The following TEAD1 variants were observed in gnomAD, a reference collection of about 807,000 sequenced individuals.
The protein encoded by TEAD1 is transcriptional enhancer factor TEF-1.
A neutral mutation model predicts 54.9 loss-of-function variants in TEAD1; 9 were observed. The ratio of observed to expected loss-of-function variants is 0.16; its 90% confidence interval spans 0.10 to 0.29. The LOEUF (loss-of-function observed/expected upper bound fraction) is 0.29, where lower values mean the gene tolerates loss of function less well. Among genes scored for constraint, TEAD1 ranks in the 10% least tolerant of loss-of-function variants. TEAD1 has a pLI of 1.00. For missense variants in TEAD1, 387 were observed against 535.9 expected (o/e 0.72, Z 2.74); for synonymous variants, 200 against 187.8 (o/e 1.07, Z -0.53).
intron 2 of TEAD1, among the ~76,000 whole-genome samples, chr11:12,679,745 G>T (rs1338579777): frequency 6.6e-6 from 1 of 152,018 alleles, no homozygotes; most frequent in Non-Finnish European, 1.5e-5. Flanking sequence ...AACTTGAAAG[G>T]GGATTTTTTT....
At chr11:12,864,549 CA>C (rs1228881566) in intron 4 of TEAD1, 1 of 581,532 alleles carries the variant, frequency 1.7e-6, no homozygotes, top group Non-Finnish European at 2.7e-6. Flanking sequence ...TGTTGAGATG[CA>C]AATAACCACC....
chr11:12,873,494 T>C (rs1022557831), intron 5 of TEAD1, among the ~76,000 whole-genome samples: 2 of 152,204 alleles, frequency 1.3e-5, no homozygotes, highest in Non-Finnish European at 2.9e-5. Context: ...AAATGAACAA[T>C]GGTAAAAGCC....
At chr11:12,934,143 T>TC (rs1162141506) in intron 12 of TEAD1, among the ~76,000 whole-genome samples, 1 of 152,184 alleles carries the variant, frequency 6.6e-6, no homozygotes, top group Non-Finnish European at 1.5e-5. Flanking sequence ...AACCCAAATG[T>TC]CCAACAGTGA....
rs1230401452 is a variant in TEAD1, at chr11:12,859,493, G to T, written c.203-2757G>T. ...TTTAGCTCTGGCTTCTCGTAATTAG[G>T]TACTCCTAGCTGGGCTCTGTTGTCA... On this transcript the variant is annotated intron_variant, in intron 3 of 12. Coordinates refer to ENST00000527636, the MANE Select transcript of TEAD1 (RefSeq NM_021961.6). Among the ~76,000 whole-genome samples the T allele has an allele frequency of 3.3e-5, 5 of 152,134 alleles. No individual in the cohort carries two copies. In the East Asian group the frequency reaches 9.6e-4, roughly 29 times the overall value.
At chr11:12,854,622 C>T (rs1370656126) in intron 3 of TEAD1, among the ~76,000 whole-genome samples, 6 of 152,046 alleles carry the variant, frequency 3.9e-5, no homozygotes, top group African/African-American at 1.4e-4. Context: ...GACAGGGTCT[C>T]ACTCTGTTGT....
intron 3 of TEAD1, among the ~76,000 whole-genome samples, chr11:12,861,987 T>C (rs1234990145): frequency 1.4e-5 from 1 of 70,352 alleles, no homozygotes; most frequent in African/African-American, 8.7e-5. Context: ...ACTCTGTCTT[T>C]TTTTTTTTTT....
chr11:12,681,227 T>C (rs1000192356), intron 2 of TEAD1, among the ~76,000 whole-genome samples: 8 of 152,210 alleles, frequency 5.3e-5, no homozygotes, highest in Non-Finnish European at 8.8e-5. Context: ...GCATTTCATA[T>C]TGTCTGAGCC....
In TEAD1 at chr11:12,752,300, A is replaced by G. The variant is rs536757293; in HGVS notation, c.-54-11879A>G. Among the ~76,000 whole-genome samples, 14 of 149,540 alleles carry G rather than the reference A, an allele frequency of 9.4e-5. No individual in the cohort carries two copies. The South Asian group carries it at 3.0e-3, about 32-fold the overall frequency. On this transcript the variant is annotated intron_variant, in intron 2 of 12. Coordinates refer to ENST00000527636, the MANE Select transcript of TEAD1 (RefSeq NM_021961.6). ...AACTTACATACAGAAAAGGGCACAC[A>G]CATCATCAATATTGAGTCCCTTGTG... is the stretch of plus-strand genomic sequence containing the variant.
intron 3 of TEAD1, among the ~76,000 whole-genome samples, chr11:12,813,791 C>T (rs984541402): frequency 2.0e-5 from 3 of 152,132 alleles, no homozygotes; most frequent in Admixed American, 2.0e-4. Flanking sequence ...CAGGGGGTGG[C>T]GTGCTGAACT....
intron 3 of TEAD1, among the ~76,000 whole-genome samples, chr11:12,799,865 G>C (rs1946013650): frequency 6.6e-6 from 1 of 152,074 alleles, no homozygotes; most frequent in African/African-American, 2.4e-5. Flanking sequence ...TATATCCCAA[G>C]CCTGTATGGT....
intron 8 of TEAD1, among the ~76,000 whole-genome samples, chr11:12,882,695 C>A (rs1564975799): frequency 1.3e-5 from 2 of 152,226 alleles, no homozygotes; most frequent in Admixed American, 6.5e-5. Context: ...TTCTCACTGT[C>A]CTGTCATTCT....
At chr11:12,734,413 TG>T (rs1486932987) in intron 2 of TEAD1, among the ~76,000 whole-genome samples, 1 of 152,144 alleles carries the variant, frequency 6.6e-6, no homozygotes, top group Non-Finnish European at 1.5e-5. Flanking sequence ...ATTTTATAAT[TG>T]AAAAAAAATT....
chr11:12,902,263 C>T, intron 10 of TEAD1, 150 bp downstream of exon 10: 2 of 1,091,578 alleles, frequency 1.8e-6, no homozygotes, highest in South Asian at 2.5e-5. Flanking sequence ...CGGACTCACA[C>T]CTGTGAACTG....
chr11:12,923,418 C>T (rs545494380), intron 10 of TEAD1, among the ~76,000 whole-genome samples: 2 of 152,268 alleles, frequency 1.3e-5, no homozygotes, highest in South Asian at 2.1e-4. Flanking sequence ...TCGTGTCCCC[C>T]CGTACCTCTC....
chr11:12,862,323 A>C lies in TEAD1; in HGVS notation c.267+9A>C. ...CGAGGACCAGAAAACAGGTAAAATA[A>C]CCCACCTGGAAATTGTGCATGTCAG... On this transcript the variant is annotated intron_variant, in intron 4 of 12. Transcript: ENST00000527636. 6.2e-7 allele frequency: 1 copy of C among 1,613,528 alleles called. No individual in the cohort carries two copies. The highest frequency in any genetic ancestry group is 8.5e-7 in the Non-Finnish European group (1 of 1,179,528).
chr11:12,929,827 A>G (rs563865750), intron 11 of TEAD1, among the ~76,000 whole-genome samples: 3 of 152,310 alleles, frequency 2.0e-5, no homozygotes, highest in Admixed American at 6.5e-5. Flanking sequence ...TTCTTTGAAG[A>G]ACTGTAGCTA....
At chr11:12,784,970 G>T (rs767761280) in intron 3 of TEAD1, among the ~76,000 whole-genome samples, 13 of 152,324 alleles carry the variant, frequency 8.5e-5, no homozygotes, top group Non-Finnish European at 1.5e-4. Context: ...CTCTCTTGGG[G>T]TCAGCATGAG....
At chr11:12,838,405 G>C (rs1946951904) in intron 3 of TEAD1, among the ~76,000 whole-genome samples, 1 of 152,188 alleles carries the variant, frequency 6.6e-6, no homozygotes, top group South Asian at 2.1e-4. Context: ...ATTGTGATCA[G>C]AATAGCCTCT....
intron 2 of TEAD1, among the ~76,000 whole-genome samples, chr11:12,708,291 G>A (rs554018300): frequency 4.6e-5 from 7 of 152,058 alleles, no homozygotes; most frequent in Admixed American, 4.6e-4. Context: ...CTGTGCAATT[G>A]TGTATGCCTG....
Sources: allele counts gnomAD v4.1 joint callset (sites outside exome capture counted in the v4.1 genomes callset), GRCh38; gene constraint gnomAD v4.1.1; transcripts MANE v1.5; gene names NCBI Gene and HGNC (gene_info 2026-07-23, HGNC 2026-07-21).